The following UPK1B variants were observed in gnomAD, a reference collection of about 807,000 sequenced individuals.
UPK1B encodes the protein uroplakin-1b.
Under a neutral mutation model 34.2 loss-of-function variants are expected in UPK1B, and 28 were observed. The ratio of observed to expected loss-of-function variants is 0.82; its 90% CI spans 0.61 to 1.12. The LOEUF (loss-of-function observed/expected upper bound fraction) is 1.12, where lower values mean the gene tolerates loss of function less well. UPK1B is among the 50% of genes most tolerant of loss of function. The pLI is 0.00. For missense variants in UPK1B, 325 were observed against 320.9 expected (o/e 1.01, Z -0.10); for synonymous variants, 81 against 110.4 (o/e 0.73, Z 1.67).
In UPK1B at chr3:119,175,338, CTTCT is replaced by C. The variant is rs1242594378; in HGVS notation, c.-29+1703_-29+1706del. ...CACCGCACCCGGCCAAAACTCAGAA[CTTCT>C]TTTTGACTTCTCCTGCTTACAATCT... On this transcript the variant is annotated intron_variant, in intron 1 of 7. Transcript: ENST00000264234. Among the ~76,000 whole-genome samples, 4 of 152,220 alleles carry C rather than the reference CTTCT, an allele frequency of 2.6e-5. No homozygotes were observed. In the East Asian group the frequency reaches 7.7e-4, roughly 29 times the overall value.
Position 119,204,166 on chromosome 3 carries a change from A to C in UPK1B, c.*199A>C. ...CTCCTACTTTTCATCCTAGTCTAGC[A>C]TTCTGCAACATTTATATAGACTGTT... is the stretch of plus-strand genomic sequence containing the variant. On this transcript the variant is annotated 3_prime_UTR_variant, in exon 8 of 8. Transcript: ENST00000264234. 2 of 575,664 alleles carry C rather than the reference A, an allele frequency of 3.5e-6. No individual in the cohort carries two copies. The highest frequency in any genetic ancestry group is 6.1e-6 in the Non-Finnish European group (2 of 325,782). The allele number at this position is 575,664 out of a possible 1,614,324, so 35.7% of individuals were successfully genotyped here.
chr3:119,202,447 T>C (rs1010077872), intron 7 of UPK1B, among the ~76,000 whole-genome samples: 1 of 152,222 alleles, frequency 6.6e-6, no homozygotes, highest in Admixed American at 6.5e-5. Flanking sequence ...GGGTAACACT[T>C]AGAATAGTGA....
At chr3:119,191,670 C>CATA (rs1457044364) in intron 5 of UPK1B, among the ~76,000 whole-genome samples, 1 of 152,186 alleles carries the variant, frequency 6.6e-6, no homozygotes, top group Non-Finnish European at 1.5e-5. Flanking sequence ...AGCCACCACT[C>CATA]CTTCTATGAA....
intron 1 of UPK1B, among the ~76,000 whole-genome samples, chr3:119,179,036 A>T (rs1445074117): frequency 6.6e-6 from 1 of 152,104 alleles, no homozygotes; most frequent in Non-Finnish European, 1.5e-5. Flanking sequence ...AACCAAAAGG[A>T]GATACATAAA....
At chr3:119,198,681 G>C (rs1243196885) in intron 6 of UPK1B, among the ~76,000 whole-genome samples, 1 of 152,130 alleles carries the variant, frequency 6.6e-6, no homozygotes, top group Admixed American at 6.5e-5. Flanking sequence ...AAATCAAAAA[G>C]TAACTGCCTC....
chr3:119,199,271 A>G, intron 7 of UPK1B, 131 bp downstream of exon 7: 4 of 984,400 alleles, frequency 4.1e-6, no homozygotes. Context: ...CTAGTCAGGA[A>G]ACTTCTGGCA....
chr3:119,177,443 T>C (rs1369928940), intron 1 of UPK1B, among the ~76,000 whole-genome samples: 1 of 152,244 alleles, frequency 6.6e-6, no homozygotes, highest in East Asian at 1.9e-4. Context: ...TAACACATCA[T>C]GATCGTGAAC....
intron 4 of UPK1B, 46 bp from the exon 5 acceptor site, chr3:119,190,936 A>AT: frequency 6.2e-7 from 1 of 1,605,118 alleles, no homozygotes; most frequent in Non-Finnish European, 8.5e-7. Context: ...CTCCTTGAAA[A>AT]TTAGCGTGCT....
intron 3 of UPK1B, among the ~76,000 whole-genome samples, chr3:119,189,297 T>C (rs1343157094): frequency 1.3e-5 from 2 of 152,042 alleles, no homozygotes; most frequent in African/African-American, 4.8e-5. Context: ...CTGGGCTGAG[T>C]AGTGAGGGCA....
intron 7 of UPK1B, among the ~76,000 whole-genome samples, chr3:119,201,444 T>C (rs2078090145): frequency 6.6e-6 from 1 of 152,198 alleles, no homozygotes; most frequent in Non-Finnish European, 1.5e-5. Context: ...CAACACAGCG[T>C]GTGCAGGGGA....
In UPK1B at chr3:119,199,097, C is replaced by A. The variant is rs1401598191; in HGVS notation, c.689C>A (p.Ala230Asp). 6.2e-7 allele frequency: 1 copy of A among 1,614,172 alleles called. No individual in the cohort carries two copies. The highest frequency in any genetic ancestry group is 1.1e-5 in the South Asian group (1 of 91,080). ...ELISGPMNRH[A>D]WGVAWFGFAI... Reference sequence around the variant, plus strand: ...ATCTCTGGTCCAATGAACCGACACGCCTGGGGGGTTGCCTGGTTTGGATTT... The same window carrying A: ...ATCTCTGGTCCAATGAACCGACACGACTGGGGGGTTGCCTGGTTTGGATTT... Residue 230 changes from alanine (A) to aspartate (D), a missense_variant, in exon 7 of 8, where the codon GCC becomes GAC. By Grantham distance (126) the Ala-to-Asp change is moderately radical. Transcript: ENST00000264234.
At chr3:119,174,355 C>A (rs62273510) in intron 1 of UPK1B, among the ~76,000 whole-genome samples, 1 of 152,188 alleles carries the variant, frequency 6.6e-6, no homozygotes, top group East Asian at 1.9e-4. Context: ...CATTTTCACA[C>A]AAAATACAAA....
chr3:119,185,564 C>A (rs556940191), intron 1 of UPK1B, among the ~76,000 whole-genome samples: 3 of 152,152 alleles, frequency 2.0e-5, no homozygotes, highest in African/African-American at 7.2e-5. Context: ...CGCCTCAGGA[C>A]TCTCACAATA....
In UPK1B at chr3:119,179,507, C is replaced by CTTTTTTTTTTTTTTTTTTTTTT. The variant is rs71297415; in HGVS notation, c.-29+5889_-29+5890insTTTTTTTTTTTTTTTTTTTTTT. Among the ~76,000 whole-genome samples the CTTTTTTTTTTTTTTTTTTTTTT allele has an allele frequency of 1.3e-4, 7 of 52,254 alleles. 2 individuals carry two copies. Among genetic ancestry groups the CTTTTTTTTTTTTTTTTTTTTTT allele is most frequent in the African/African-American group, 4.2e-4 (6 of 14,280 alleles). The allele number at this position is 52,254 out of a possible 152,430, so 34.3% of individuals were successfully genotyped here. A position where few individuals can be genotyped will look rare whatever the true frequency, so the allele number is the denominator to read the frequency against. On this transcript the variant is annotated intron_variant, in intron 1 of 7. Coordinates refer to ENST00000264234, the MANE Select transcript of UPK1B (RefSeq NM_006952.4). ...TTTGGGGAAGAGTTGATGTTGCAGT[C>CTTTTTTTTTTTTTTTTTTTTTT]TTTTTTTTTTTTTTTTTTTTGAGAC...
At chr3:119,179,183 C>G (rs1358935879) in intron 1 of UPK1B, among the ~76,000 whole-genome samples, 1 of 150,996 alleles carries the variant, frequency 6.6e-6, no homozygotes, top group East Asian at 1.9e-4. Context: ...TAAAAATTAG[C>G]CAGACATTGT....
chr3:119,191,896 C>T (rs907506997), intron 5 of UPK1B, among the ~76,000 whole-genome samples: 4 of 152,142 alleles, frequency 2.6e-5, no homozygotes, highest in African/African-American at 9.7e-5. Context: ...TACCCTCAGT[C>T]GTTCTCCTGC....
At chr3:119,180,580 T>C (rs933828897) in intron 1 of UPK1B, among the ~76,000 whole-genome samples, 5 of 152,184 alleles carry the variant, frequency 3.3e-5, no homozygotes, top group Admixed American at 2.6e-4. Context: ...CCACAGTTTA[T>C]ATTCTGTGTA....
chr3:119,181,638 C>T (rs1020137391), intron 1 of UPK1B, among the ~76,000 whole-genome samples: 62 of 152,208 alleles, frequency 4.1e-4, no homozygotes, highest in African/African-American at 1.4e-3. Context: ...CTAACTTGCT[C>T]TTCAACAAAG....
Position 119,194,268 on chromosome 3 carries a change from C to T in UPK1B, c.518C>T (p.Ser173Phe), listed in dbSNP as rs770362162. The change falls in exon 6 of 8, where the codon TCT becomes TTT. Residue 173 changes from serine to phenylalanine, a missense_variant. Transcript: ENST00000264234. Reference sequence around the variant, plus strand: ...CCATCAGACTGGCAAAAATACACATCTGCCTTCCGGACTGAGAATAATGAT... The same window carrying T: ...CCATCAGACTGGCAAAAATACACATTTGCCTTCCGGACTGAGAATAATGAT... ...NGPSDWQKYTSAFRTENNDAD... is the reference protein window; with the variant it reads ...NGPSDWQKYTFAFRTENNDAD... 1 of 1,614,106 alleles carries T rather than the reference C, an allele frequency of 6.2e-7. No individual in the cohort carries two copies. Among genetic ancestry groups the T allele is most frequent in the South Asian group, 1.1e-5 (1 of 91,078 alleles).
Sources: allele counts gnomAD v4.1 joint callset (sites outside exome capture counted in the v4.1 genomes callset), GRCh38; gene constraint gnomAD v4.1.1; transcripts MANE v1.5; gene names NCBI Gene and HGNC (gene_info 2026-07-23, HGNC 2026-07-21).